Variants in FBXO8 observed in about 807,000 individuals in gnomAD.
The protein encoded by FBXO8 is F-box only protein 8.
Under a neutral mutation model 33.4 loss-of-function variants are expected in FBXO8, and 15 were observed. That is an observed-to-expected ratio of 0.45 (90% confidence interval 0.30 to 0.69). FBXO8 has a LOEUF of 0.69. Ranked by LOEUF, FBXO8 falls within the 30% of genes least tolerant of loss-of-function variation. The pLI, the probability that FBXO8 is intolerant of heterozygous loss-of-function variation, is 0.08. For missense variants in FBXO8, 274 were observed against 380.3 expected (o/e 0.72, Z 2.32); for synonymous variants, 132 against 131.5 (o/e 1.00, Z -0.02).
rs1736996921 is a variant in FBXO8, at chr4:174,278,144, G to A, written c.-9+5266C>T. Among the ~76,000 whole-genome samples, 1 of 152,016 alleles carries A rather than the reference G, an allele frequency of 6.6e-6. No individual in the cohort carries two copies. Among genetic ancestry groups the A allele is most frequent in the South Asian group, 2.1e-4 (1 of 4,826 alleles). ...TCCCTAAAATTTAAAGGCAACAAAT[G>A]TAGAGAAATAAAGGAAGGGTAAGTC... On this transcript the variant is annotated intron_variant, in intron 1 of 5. Coordinates refer to ENST00000393674, the MANE Select transcript of FBXO8 (RefSeq NM_012180.3). The surrounding 1 kb of genome is among the most constrained non-coding windows in gnomAD (Gnocchi z 4.1).
rs1736902496 is a variant in FBXO8, at chr4:174,274,271, A to G, written c.-9+9139T>C. ...GATTAGCCTGTGATTTCTGATCCTCATTCTTCTCATTAGTAAAATAACGGA... is the reference window on the plus strand; with the variant it reads ...GATTAGCCTGTGATTTCTGATCCTCGTTCTTCTCATTAGTAAAATAACGGA... On this transcript the variant is annotated intron_variant, in intron 1 of 5. Transcript: ENST00000393674. The surrounding 1 kb of genome is among the most constrained non-coding windows in gnomAD (Gnocchi z 4.0). 6.6e-6 allele frequency among the ~76,000 whole-genome samples: 1 copy of G among 152,218 alleles called. No homozygotes were observed. Among genetic ancestry groups the G allele is most frequent in the Non-Finnish European group, 1.5e-5 (1 of 68,034 alleles).
At chr4:174,249,290 T>C (rs991120713) in intron 3 of FBXO8, among the ~76,000 whole-genome samples, 1 of 152,038 alleles carries the variant, frequency 6.6e-6, no homozygotes, top group African/African-American at 2.4e-5. Context: ...AAGCCCCCTC[T>C]ATCTCTAACC....
rs887230473 is a variant in FBXO8 at position 174,281,479 on chromosome 4, T to C, written c.-9+1931A>G. On this transcript the variant is annotated intron_variant, in intron 1 of 5. Transcript: ENST00000393674. This position sits in a 1 kb window ranked among gnomAD's most constrained non-coding sequence, Gnocchi z 4.6. ...TGGGAGGCTGTGGAAGGAGGATCGC[T>C]TGAGCTCAGGACTTCAAGACCAGCC... Among the ~76,000 whole-genome samples the C allele has an allele frequency of 2.2e-4, 34 of 152,086 alleles. No individual in the cohort carries two copies. Among genetic ancestry groups the C allele is most frequent in the African/African-American group, 8.2e-4 (34 of 41,408 alleles).
intron 1 of FBXO8, chr4:174,269,038 TC>T (rs1345330451): frequency 6.6e-6 from 1 of 152,246 alleles, no homozygotes; most frequent in African/African-American, 2.4e-5. Context: ...TTAATACAAT[TC>T]AAGGTGTCCC....
At chr4:174,269,894 A>G (rs1736797832) in intron 1 of FBXO8, among the ~76,000 whole-genome samples, 1 of 152,222 alleles carries the variant, frequency 6.6e-6, no homozygotes, top group African/African-American at 2.4e-5. Context: ...AAATTATGCA[A>G]ATATAACTAT....
At chr4:174,280,081 T>C (rs1385076654) in intron 1 of FBXO8, among the ~76,000 whole-genome samples, 3 of 152,098 alleles carry the variant, frequency 2.0e-5, no homozygotes, top group Admixed American at 2.0e-4. Context: ...AGAAAATATT[T>C]GAAAATCATG....
chr4:174,240,598 A>ACG (rs372469422), intron 4 of FBXO8, among the ~76,000 whole-genome samples: 1 of 44 alleles, frequency 0.023, no homozygotes. Context: ...TCTGTGTAAA[A>ACG]CTGCTAAATG....
rs1736426384 is a variant in FBXO8 at position 174,256,772 on chromosome 4, A to G, written c.456+2927T>C. On this transcript the variant is annotated intron_variant, in intron 3 of 5. Transcript: ENST00000393674. The surrounding 1 kb of genome is among the most constrained non-coding windows in gnomAD (Gnocchi z 4.6). ...ATCTGCTAAATTACATGTTCATAAA[A>G]GCATAGAATCAGAATTTTGGAACCT... Among the ~76,000 whole-genome samples the G allele has an allele frequency of 6.6e-6, 1 of 152,132 alleles. No homozygotes were observed. The highest frequency in any genetic ancestry group is 6.6e-5 in the Admixed American group (1 of 15,260).
At chr4:174,238,594 T>G (rs562856596) in intron 5 of FBXO8, among the ~76,000 whole-genome samples, 19 of 151,242 alleles carry the variant, frequency 1.3e-4, no homozygotes, top group African/African-American at 4.6e-4. Context: ...TACAAATGTC[T>G]ATATGTCTAT....
chr4:174,249,502 C>T (rs950477663), intron 3 of FBXO8, among the ~76,000 whole-genome samples: 59 of 151,830 alleles, frequency 3.9e-4, no homozygotes, highest in African/African-American at 1.2e-3. Context: ...AATGACTAAC[C>T]CATAAATACT....
chr4:174,246,171 T>C (rs1736153613), intron 3 of FBXO8, among the ~76,000 whole-genome samples: 2 of 151,948 alleles, frequency 1.3e-5, no homozygotes, highest in Admixed American at 1.3e-4. Context: ...ACAGGGTGTC[T>C]AGTGCAATTA....
rs962063287 is a variant in FBXO8, at chr4:174,245,179, C to G, written c.457-3961G>C. Among the ~76,000 whole-genome samples the G allele has an allele frequency of 2.0e-5, 3 of 151,664 alleles. No homozygotes were observed. The highest frequency in any genetic ancestry group is 7.3e-5 in the African/African-American group (3 of 41,342). ...AAAGTTTATCTGTGGCAATGAGACA[C>G]ATACATAAACATCTAGAATACACAC... On this transcript the variant is annotated intron_variant, in intron 3 of 5. Coordinates refer to ENST00000393674, the MANE Select transcript of FBXO8 (RefSeq NM_012180.3). The surrounding 1 kb of genome is among the most constrained non-coding windows in gnomAD (Gnocchi z 4.6).
rs754798771 is a variant in FBXO8 at position 174,262,399 on chromosome 4, T to C, written c.329+365A>G. Among the ~76,000 whole-genome samples, 1 of 152,202 alleles carries C rather than the reference T, an allele frequency of 6.6e-6. No homozygotes were observed. The highest frequency in any genetic ancestry group is 1.5e-5 in the Non-Finnish European group (1 of 68,018). On this transcript the variant is annotated intron_variant, in intron 2 of 5. Coordinates refer to ENST00000393674, the MANE Select transcript of FBXO8 (RefSeq NM_012180.3). This position sits in a 1 kb window ranked among gnomAD's most constrained non-coding sequence, Gnocchi z 4.6. ...TATTATTCAGATGGCAGGTATCCTA[T>C]GGGAAGCACAAACTACACAGCATGT...
chr4:174,240,315 G>A (rs1395912442), intron 4 of FBXO8, among the ~76,000 whole-genome samples: 1 of 151,616 alleles, frequency 6.6e-6, no homozygotes, highest in African/African-American at 2.4e-5. Context: ...TTAATCATCC[G>A]TGTGCTACTA....
chr4:174,279,418 T>C (rs1737024511), intron 1 of FBXO8, among the ~76,000 whole-genome samples: 2 of 152,088 alleles, frequency 1.3e-5, no homozygotes, highest in East Asian at 1.9e-4. Flanking sequence ...CTTATTAAGA[T>C]GGCAATACCA....
Position 174,252,651 on chromosome 4 carries a change from ATG to A in FBXO8, c.456+7046_456+7047del. ...CACATGTACTTGTGCATGTGAGTGC[ATG>A]CACACACACACACACACACACACGC... On this transcript the variant is annotated intron_variant, in intron 3 of 5. Transcript: ENST00000393674. The surrounding 1 kb of genome is among the most constrained non-coding windows in gnomAD (Gnocchi z 5.1). Among the ~76,000 whole-genome samples the A allele has an allele frequency of 1.5e-5, 2 of 134,144 alleles. No homozygotes were observed. Among genetic ancestry groups the A allele is most frequent in the African/African-American group, 2.5e-5 (1 of 39,878 alleles). 88.0% of individuals were successfully genotyped at this position (134,144 alleles called of 152,430 possible). A position where few individuals can be genotyped will look rare whatever the true frequency, so the allele number is the denominator to read the frequency against.
At position 174,259,369 on chromosome 4, in the gene FBXO8, T is replaced by A. The variant is rs944422931; in HGVS notation, c.456+330A>T. Among the ~76,000 whole-genome samples, 6 of 152,000 alleles carry A rather than the reference T, an allele frequency of 3.9e-5. No individual in the cohort carries two copies. Among genetic ancestry groups the A allele is most frequent in the Non-Finnish European group, 7.4e-5 (5 of 67,934 alleles). ...CAGAAAAAAACTGCTGCAGATAAAA[T>A]CTGATGAACACACTCTGTGTTCTTA... On this transcript the variant is annotated intron_variant, in intron 3 of 5. Coordinates refer to ENST00000393674, the MANE Select transcript of FBXO8 (RefSeq NM_012180.3). The surrounding 1 kb of genome is among the most constrained non-coding windows in gnomAD (Gnocchi z 4.3).
In FBXO8 at chr4:174,251,644, C is replaced by CA. The variant is rs1188649620; in HGVS notation, c.456+8054dup. ...ATATCCACACATACCATATTACTCT[C>CA]AAAAAAAAGAAAATCACCTCCAGTT... is the stretch of plus-strand genomic sequence containing the variant. On this transcript the variant is annotated intron_variant, in intron 3 of 5. Transcript: ENST00000393674. The surrounding 1 kb of genome is among the most constrained non-coding windows in gnomAD (Gnocchi z 4.2). Among the ~76,000 whole-genome samples, 1 of 151,714 alleles carries CA rather than the reference C, an allele frequency of 6.6e-6. No individual in the cohort carries two copies. The highest frequency in any genetic ancestry group is 1.5e-5 in the Non-Finnish European group (1 of 67,898).
chr4:174,262,989 G>A lies in FBXO8; in HGVS notation c.104C>T (p.Ala35Val), dbSNP rs529394252. 25 of 1,613,980 alleles carry A rather than the reference G, an allele frequency of 1.5e-5. No homozygotes were observed. Among genetic ancestry groups the A allele is most frequent in the East Asian group, 1.3e-4 (6 of 44,872 alleles). Residue 35 changes from alanine (A) to valine (V), a missense_variant, in exon 2 of 6, where the codon GCG becomes GTG. This residue lies in a region of FBXO8 where 88 missense variants were observed against 86.9 expected (regional missense o/e 1.01). Coordinates refer to ENST00000393674, the MANE Select transcript of FBXO8 (RefSeq NM_012180.3). This position sits in a 1 kb window ranked among gnomAD's most constrained non-coding sequence, Gnocchi z 4.6. Reference sequence around the variant, plus strand: ...ATGATTGGTGTTAGAAATGTTGCTCGCAGCCATTCTCCTGCTCTGCTCTCT... The same window carrying A: ...ATGATTGGTGTTAGAAATGTTGCTCACAGCCATTCTCCTGCTCTGCTCTCT... ...LTREQSRRMA[A>V]SNISNTNHRK...
Sources: allele counts gnomAD v4.1 joint callset (sites outside exome capture counted in the v4.1 genomes callset), GRCh38; gene constraint gnomAD v4.1.1; regional missense constraint gnomAD v4.1.1; non-coding constraint Gnocchi (gnomAD v3.1); transcripts MANE v1.5; gene names NCBI Gene and HGNC (gene_info 2026-07-23, HGNC 2026-07-21).